NOS1: variants seen among roughly 807,000 people sequenced by gnomAD.
NOS1 encodes nitric oxide synthase 1.
NOS1 carries 51 observed loss-of-function variants against 164.5 expected under a neutral mutation model. That is an observed-to-expected ratio of 0.31 (90% CI 0.25 to 0.39). The LOEUF (loss-of-function observed/expected upper bound fraction) is 0.39. Ranked by LOEUF, NOS1 falls within the 10% of genes least tolerant of loss-of-function variation. NOS1 has a pLI of 1.00. For missense variants in NOS1, 1,362 were observed against 1,885.6 expected, an observed-to-expected ratio of 0.72 and a Z score of 5.14; for synonymous variants, 719 against 745.8, an observed-to-expected ratio of 0.96 and a Z score of 0.59.
rs561019079 is a variant in NOS1, at chr12:117,337,415, C to T, written c.-420-5926G>A. 4.7e-4 allele frequency among the ~76,000 whole-genome samples: 72 copies of T among 152,194 alleles called. 1 individual carries two copies. The South Asian group carries it at 0.011, about 23-fold the overall frequency. ...ACAGGCTTGAGCCACCGTGCCCGGC[C>T]GCGCTTTTTACTCTTTTTAATGTGA... On this transcript the variant is annotated intron_variant, in intron 1 of 28. Coordinates refer to ENST00000317775, the MANE Select transcript of NOS1 (RefSeq NM_000620.5).
At chr12:117,303,115 G>A (rs1468546397) in intron 3 of NOS1, among the ~76,000 whole-genome samples, 1 of 152,130 alleles carries the variant, frequency 6.6e-6, no homozygotes, top group Non-Finnish European at 1.5e-5. Flanking sequence ...TGGTGAGCAT[G>A]CTAGGTTGTC....
At chr12:117,247,299 G>C in intron 18 of NOS1, 49 bp downstream of exon 18, 1 of 1,457,452 alleles carries the variant, frequency 6.9e-7, no homozygotes, top group Non-Finnish European at 9.3e-7. Context: ...TGTCTTTGGG[G>C]GTGTGGGGAG....
chr12:117,301,412 A>G (rs1229669186), intron 3 of NOS1, among the ~76,000 whole-genome samples: 1 of 152,220 alleles, frequency 6.6e-6, no homozygotes, highest in African/African-American at 2.4e-5. Flanking sequence ...TACAGGCATG[A>G]GCTACACCTG....
intron 1 of NOS1, among the ~76,000 whole-genome samples, chr12:117,358,520 T>C (rs1273933789): frequency 9.9e-5 from 15 of 152,222 alleles, no homozygotes; most frequent in Admixed American, 9.8e-4. Flanking sequence ...TCGGGTTCCC[T>C]TCCTTCCTTA....
chr12:117,341,743 TG>T (rs906135521), intron 1 of NOS1, among the ~76,000 whole-genome samples: 12 of 152,304 alleles, frequency 7.9e-5, no homozygotes, highest in African/African-American at 2.9e-4. Flanking sequence ...AACCAGGGTT[TG>T]TGACCCACCT....
rs1956483873 is a variant in NOS1, at chr12:117,208,794, C to T, written c.*6515G>A. On this transcript the variant is annotated 3_prime_UTR_variant, in exon 29 of 29. Transcript: ENST00000317775. Reference sequence around the variant, plus strand: ...CTGGAGTGCAGTGGTGCCATCTCGGCTCACTGCAGCCTCTGCCTCCTGGGT... The same window carrying T: ...CTGGAGTGCAGTGGTGCCATCTCGGTTCACTGCAGCCTCTGCCTCCTGGGT... 1.1e-6 allele frequency: 1 copy of T among 910,778 alleles called. No homozygotes were observed. The highest frequency in any genetic ancestry group is 4.9e-5 in the South Asian group (1 of 20,438). The allele number at this position is 910,778 out of a possible 1,614,324, so 56.4% of individuals were successfully genotyped here.
intron 11 of NOS1, among the ~76,000 whole-genome samples, chr12:117,266,547 T>A (rs1872431105): frequency 1.3e-5 from 2 of 151,788 alleles, no homozygotes; most frequent in African/African-American, 2.4e-5. Context: ...TTCTTTTCTT[T>A]TTTTTTTTGA....
intron 21 of NOS1, among the ~76,000 whole-genome samples, chr12:117,232,930 C>T (rs759134340): frequency 9.2e-5 from 14 of 151,590 alleles, no homozygotes; most frequent in Non-Finnish European, 1.6e-4. Flanking sequence ...TGCAGTGGTG[C>T]GATCACAACT....
intron 20 of NOS1, among the ~76,000 whole-genome samples, chr12:117,241,141 C>T (rs146055508): frequency 0.012 from 1,772 of 151,870 alleles, 32 homozygotes; most frequent in East Asian, 0.054. Flanking sequence ...GGTTTCACCA[C>T]GTTGGTCAGG....
intron 3 of NOS1, among the ~76,000 whole-genome samples, chr12:117,296,345 C>T (rs1389160162): frequency 6.6e-6 from 1 of 152,156 alleles, no homozygotes; most frequent in African/African-American, 2.4e-5. Context: ...GAGGGTGTTG[C>T]CAAAGGACAC....
intron 1 of NOS1, among the ~76,000 whole-genome samples, chr12:117,352,176 AATACATACATACATACATAC>A (rs71444621): frequency 6.7e-6 from 1 of 149,112 alleles, no homozygotes; most frequent in South Asian, 2.2e-4. Flanking sequence ...CTGTCTCAGA[AATACATACATACATACATAC>A]ATACATACAT....
intron 5 of NOS1, among the ~76,000 whole-genome samples, chr12:117,286,824 G>A (rs1872737685): frequency 6.6e-6 from 1 of 152,120 alleles, no homozygotes; most frequent in Non-Finnish European, 1.5e-5. Flanking sequence ...TCTTGAACCT[G>A]GCATTTACCA....
At chr12:117,321,404 T>C (rs1024519845) in intron 2 of NOS1, among the ~76,000 whole-genome samples, 2 of 152,146 alleles carry the variant, frequency 1.3e-5, no homozygotes, top group African/African-American at 4.8e-5. Context: ...AGGGGCAGAA[T>C]GGATGCTCAT....
chr12:117,227,527 G>A lies in NOS1; in HGVS notation c.3520C>T (p.Leu1174=), dbSNP rs80312270. The A allele has an allele frequency of 1.2e-6, 2 of 1,613,164 alleles. No individual in the cohort carries two copies. The highest frequency in any genetic ancestry group is 2.2e-5 in the South Asian group (2 of 90,910). The change falls in exon 23 of 29, where the codon CTG becomes TTG. Residue 1174 remains leucine, a synonymous_variant. Coordinates refer to ENST00000317775, the MANE Select transcript of NOS1 (RefSeq NM_000620.5). ...PATLLLTQLS[L]LQPRYYSISS... ...ATGGAATAGTAGCGGGGCTGCAGCA[G>A]GGACAGCTGGGTCAGGAGCAGGGTG... is the stretch of plus-strand genomic sequence containing the variant.
rs12227767 is a variant in NOS1, at chr12:117,324,458, G to C, written c.725+5887C>G. Among the ~76,000 whole-genome samples, 11 of 152,160 alleles carry C rather than the reference G, an allele frequency of 7.2e-5. No individual in the cohort carries two copies. In the South Asian group the frequency reaches 1.5e-3, roughly 20 times the overall value. The stretch of plus-strand genomic sequence containing the variant: ...TAAAGTGACCGCTCCAGCCAGGCAC[G>C]GTGGCTCACGCCTGTAATCCCAGCA... On this transcript the variant is annotated intron_variant, in intron 2 of 28. Transcript: ENST00000317775.
rs983882113 is a variant in NOS1, at chr12:117,208,369, G to C, written c.*6940C>G. The C allele has an allele frequency of 2.6e-5, 32 of 1,237,488 alleles. No individual in the cohort carries two copies. Among genetic ancestry groups the C allele is most frequent in the Non-Finnish European group, 3.1e-5 (30 of 968,858 alleles). 76.7% of individuals were successfully genotyped at this position (1,237,488 alleles called of 1,614,324 possible). On this transcript the variant is annotated 3_prime_UTR_variant, in exon 29 of 29. Coordinates refer to ENST00000317775, the MANE Select transcript of NOS1 (RefSeq NM_000620.5). ...CAGCATTGAGAGCTCAGAGGTAGGG[G>C]GGACGGCCGAGTTTCTGACAGCGTG...
chr12:117,346,372 G>A (rs1397968967), intron 1 of NOS1, among the ~76,000 whole-genome samples: 3 of 152,212 alleles, frequency 2.0e-5, no homozygotes, highest in Non-Finnish European at 4.4e-5. Flanking sequence ...TCAGGAGGCT[G>A]AGGCAGGAGA....
chr12:117,337,164 G>A (rs1875871621), intron 1 of NOS1, among the ~76,000 whole-genome samples: 1 of 139,684 alleles, frequency 7.2e-6, no homozygotes, highest in African/African-American at 2.8e-5. Flanking sequence ...CGCCCAGGCT[G>A]GAGTGCAGTG....
At chr12:117,232,184 GTCGGGGGTTCAGGTCTGC>G in intron 21 of NOS1, 53 bp from the exon 22 acceptor site, 1 of 1,578,006 alleles carries the variant, frequency 6.3e-7, no homozygotes, top group Non-Finnish European at 8.7e-7. Flanking sequence ...TTGAGTCCAA[GTCGGGGGTTCAGGTCTGC>G]TCCTGGAGCA....
Sources: allele counts gnomAD v4.1 joint callset (sites outside exome capture counted in the v4.1 genomes callset), GRCh38; gene constraint gnomAD v4.1.1; transcripts MANE v1.5; gene names NCBI Gene and HGNC (gene_info 2026-07-23, HGNC 2026-07-21).